Variants in PCDHGB5 observed in about 807,000 individuals in gnomAD.
The protein encoded by PCDHGB5 is protocadherin gamma-B5.
Under a neutral mutation model 62.9 loss-of-function variants are expected in PCDHGB5, and 48 were observed. The ratio of observed to expected loss-of-function variants is 0.76; its 90% confidence interval spans 0.61 to 0.97. The LOEUF is 0.97. PCDHGB5 is among the 50% of genes least tolerant of loss of function. PCDHGB5 has a pLI of 0.00. For missense variants in PCDHGB5, 1,118 were observed against 1,198.6 expected, an observed-to-expected ratio of 0.93 and a Z score of 0.99; for synonymous variants, 474 against 511.2, an observed-to-expected ratio of 0.93 and a Z score of 0.98.
Position 141,399,405 on chromosome 5 carries a change from G to A in PCDHGB5, c.1278G>A (p.Pro426=), listed in dbSNP as rs768053678. ...TCACAGCCACAGACAGGGGCAAGCC[G>A]CCCCTCTCCTCCAGCATAAGCGTCA... is the stretch of plus-strand genomic sequence containing the variant. ...VTITATDRGK[P]PLSSSISVIL... is the part of the protein sequence containing the mutation. Residue 426 remains proline (P), a synonymous_variant, in exon 1 of 4, where the codon CCG becomes CCA. Transcript: ENST00000617380. The A allele has an allele frequency of 6.2e-7, 1 of 1,613,974 alleles. No individual in the cohort carries two copies. The highest frequency in any genetic ancestry group is 1.7e-5 in the Admixed American group (1 of 60,022).
At chr5:141,421,651 A>G in intron 1 of PCDHGB5, 1 of 1,613,868 alleles carries the variant, frequency 6.2e-7, no homozygotes, top group Non-Finnish European at 8.5e-7. Flanking sequence ...AGTGGAGATA[A>G]AAGTCAGTGA....
chr5:141,500,499 G>T lies in PCDHGB5; in HGVS notation c.2457-4894G>T, dbSNP rs531501031. On this transcript the variant is annotated intron_variant, in intron 2 of 3. Transcript: ENST00000617380. ...GCTGGGATTACAGGCGTGAGCCACC[G>T]CGCCTGGCCGAGCTTCATTTTAAAA... Among the ~76,000 whole-genome samples, 24 of 152,088 alleles carry T rather than the reference G, an allele frequency of 1.6e-4. 1 individual carries two copies. In the Middle Eastern group the frequency reaches 0.01, roughly 65 times the overall value.
Position 141,399,846 on chromosome 5 carries a change from G to T in PCDHGB5, c.1719G>T (p.Met573Ile), listed in dbSNP as rs377634920. 19 of 1,612,980 alleles carry T rather than the reference G, an allele frequency of 1.2e-5. No homozygotes were observed. The highest frequency in any genetic ancestry group is 5.3e-5 in the African/African-American group (4 of 75,050). Residue 573 changes from methionine (M) to isoleucine (I), a missense_variant, in exon 1 of 4, where the codon ATG becomes ATT. By Grantham distance (10) the Met-to-Ile change is conservative (BLOSUM62 1). Transcript: ENST00000617380. ...CCGACGGCTCTGCGCTCTTCGATAT[G>T]GTGCCGCGCGCTGCAGAGCCCGGCT... ...LGPDGSALFDMVPRAAEPGYL... is the reference protein window; with the variant it reads ...LGPDGSALFDIVPRAAEPGYL...
intron 1 of PCDHGB5, chr5:141,417,735 C>T (rs1408012587): frequency 1.4e-6 from 2 of 1,398,382 alleles, no homozygotes; most frequent in African/African-American, 2.9e-5. Flanking sequence ...CCTTGCCCAG[C>T]ACACCAGATT....
At chr5:141,402,884 T>G in intron 1 of PCDHGB5, 1 of 1,481,582 alleles carries the variant, frequency 6.7e-7, no homozygotes, top group Non-Finnish European at 9.0e-7. Flanking sequence ...CTTTGCAGGG[T>G]GGAAGAAAGA....
At chr5:141,403,167 C>G (rs775617849) in intron 1 of PCDHGB5, 1 of 1,614,026 alleles carries the variant, frequency 6.2e-7, no homozygotes, top group Non-Finnish European at 8.5e-7. Flanking sequence ...AGAGGTAGGA[C>G]GCAGCTTTTC....
At chr5:141,417,740 C>A (rs2096156298) in intron 1 of PCDHGB5, 3 of 1,413,210 alleles carry the variant, frequency 2.1e-6, no homozygotes, top group East Asian at 2.5e-5. Flanking sequence ...CCCAGCACAC[C>A]AGATTGCCAG....
At position 141,399,313 on chromosome 5, in the gene PCDHGB5, A is replaced by C; in HGVS notation, c.1186A>C (p.Asn396His). ...TTTTAAGATTATCTCTTCATCCAAAAATTCGTATAAGTTGGTAACAGATGG... is the reference window on the plus strand; with the variant it reads ...TTTTAAGATTATCTCTTCATCCAAACATTCGTATAAGTTGGTAACAGATGG... ...VPFKIISSSK[N>H]SYKLVTDGTL... is the part of the protein sequence containing the mutation. Residue 396 changes from asparagine (N) to histidine (H), a missense_variant, in exon 1 of 4, where the codon AAT becomes CAT. Physicochemically the swap from Asn to His is moderately conservative, Grantham distance 68. Transcript: ENST00000617380. 1 of 1,613,952 alleles carries C rather than the reference A, an allele frequency of 6.2e-7. No individual in the cohort carries two copies. The highest frequency in any genetic ancestry group is 8.5e-7 in the Non-Finnish European group (1 of 1,179,888).
chr5:141,497,825 C>T (rs1015168533), intron 2 of PCDHGB5, among the ~76,000 whole-genome samples: 3 of 152,154 alleles, frequency 2.0e-5, no homozygotes, highest in Admixed American at 6.5e-5. Context: ...CAGGTGTGAT[C>T]GCCCCCGGCC....
In PCDHGB5 at chr5:141,512,845, A is replaced by G. The variant is rs1166488780; in HGVS notation, c.*1672A>G. On this transcript the variant is annotated 3_prime_UTR_variant, in exon 4 of 4. Coordinates refer to ENST00000617380, the MANE Select transcript of PCDHGB5 (RefSeq NM_018925.3). ...CTCCCCCGTACTGACTTCTCCTATA[A>G]GCGCTTCTCTTCGCATAGTCACGTA... The G allele has an allele frequency of 6.6e-6, 1 of 152,156 alleles. No individual in the cohort carries two copies. Among genetic ancestry groups the G allele is most frequent in the African/African-American group, 2.4e-5 (1 of 41,380 alleles). 9.4% of individuals were successfully genotyped at this position (152,156 alleles called of 1,614,324 possible).
intron 1 of PCDHGB5, chr5:141,404,640 T>C (rs368593595): frequency 1.6e-5 from 26 of 1,614,092 alleles, no homozygotes; most frequent in East Asian, 2.2e-5. Context: ...CCAGAAATCC[T>C]GTACCCTGCC....
At chr5:141,461,821 T>A (rs569091880) in intron 1 of PCDHGB5, among the ~76,000 whole-genome samples, 1 of 151,286 alleles carries the variant, frequency 6.6e-6, no homozygotes, top group South Asian at 2.1e-4. Context: ...ACCCAGCTAA[T>A]TTTTTTTTCT....
chr5:141,501,162 C>T (rs922957843), intron 2 of PCDHGB5, among the ~76,000 whole-genome samples: 1 of 152,134 alleles, frequency 6.6e-6, no homozygotes, highest in Non-Finnish European at 1.5e-5. Context: ...CCACCATCCC[C>T]AGCCTCATTT....
At chr5:141,500,223 T>TATTG (rs1554186512) in intron 2 of PCDHGB5, among the ~76,000 whole-genome samples, 5 of 145,410 alleles carry the variant, frequency 3.4e-5, no homozygotes, top group African/African-American at 5.2e-5. Context: ...TTTATTTATT[T>TATTG]ATTGATACGT....
chr5:141,408,380 G>T, intron 1 of PCDHGB5: 1 of 1,614,028 alleles, frequency 6.2e-7, no homozygotes, highest in East Asian at 2.2e-5. Context: ...CAGTGTCCTG[G>T]ATGTGTCGGC....
At chr5:141,445,751 G>A (rs1211416281) in intron 1 of PCDHGB5, among the ~76,000 whole-genome samples, 1 of 152,102 alleles carries the variant, frequency 6.6e-6, no homozygotes, top group East Asian at 1.9e-4. Context: ...AAAAATAAAA[G>A]GTGTGACTCA....
intron 1 of PCDHGB5, among the ~76,000 whole-genome samples, chr5:141,448,378 A>G (rs1288817591): frequency 6.6e-6 from 1 of 152,154 alleles, no homozygotes; most frequent in East Asian, 1.9e-4. Context: ...ATTTTTGAAT[A>G]GGAAATACAT....
intron 1 of PCDHGB5, chr5:141,413,170 A>T (rs751830095): frequency 6.3e-7 from 1 of 1,595,602 alleles, no homozygotes; most frequent in South Asian, 1.1e-5. Context: ...CTGTAACCAG[A>T]CTACAATGGC....
At chr5:141,492,385 G>A (rs1224771842) in intron 1 of PCDHGB5, among the ~76,000 whole-genome samples, 1 of 152,208 alleles carries the variant, frequency 6.6e-6, no homozygotes, top group Non-Finnish European at 1.5e-5. Context: ...GGCCTGTTCC[G>A]GTCCACTCGC....
Sources: allele counts gnomAD v4.1 joint callset (sites outside exome capture counted in the v4.1 genomes callset), GRCh38; gene constraint gnomAD v4.1.1; transcripts MANE v1.5; gene names NCBI Gene and HGNC (gene_info 2026-07-23, HGNC 2026-07-21).